Variants in CUX2 observed in about 807,000 individuals in gnomAD.
CUX2 encodes homeobox protein cut-like 2.
CUX2 carries 40 observed loss-of-function variants against 144.8 expected under a neutral mutation model. That is an observed-to-expected ratio of 0.28 (90% confidence interval 0.21 to 0.36). The LOEUF (loss-of-function observed/expected upper bound fraction) is 0.36, where lower values mean the gene tolerates loss of function less well. Ranked by LOEUF, CUX2 falls within the 10% of genes least tolerant of loss-of-function variation. The pLI is 1.00. For synonymous variants in CUX2, 827 were observed against 875.6 expected (o/e 0.94, Z 0.98); for missense variants, 1,615 against 1,994.0 (o/e 0.81, Z 3.62).
At chr12:111,049,031 C>T (rs1870132767) in intron 1 of CUX2, among the ~76,000 whole-genome samples, 1 of 152,122 alleles carries the variant, frequency 6.6e-6, no homozygotes, top group Non-Finnish European at 1.5e-5. Context: ...CCACTGTATC[C>T]ATCCACCTAA....
At chr12:111,249,377 G>GA (rs1170665996) in intron 3 of CUX2, among the ~76,000 whole-genome samples, 1 of 134,276 alleles carries the variant, frequency 7.4e-6, no homozygotes, top group Non-Finnish European at 1.6e-5. Context: ...TAAGCACTGA[G>GA]AAAAAGTCCC....
chr12:111,069,535 T>C (rs1566199155), intron 1 of CUX2, among the ~76,000 whole-genome samples: 1 of 148,562 alleles, frequency 6.7e-6, no homozygotes, highest in African/African-American at 2.6e-5. Flanking sequence ...TGTGTGTGTG[T>C]GTGTGTGTGT....
At chr12:111,220,425 G>A (rs557296227) in intron 3 of CUX2, among the ~76,000 whole-genome samples, 1 of 152,128 alleles carries the variant, frequency 6.6e-6, no homozygotes, top group African/African-American at 2.4e-5. Context: ...CTTTTCAATA[G>A]GAGAAATCCT....
chr12:111,199,038 G>GA (rs558952668), intron 1 of CUX2, among the ~76,000 whole-genome samples: 33 of 152,318 alleles, frequency 2.2e-4, no homozygotes, highest in African/African-American at 7.9e-4. Context: ...CCACCATGTG[G>GA]AAAATGCAGG....
In CUX2 at chr12:111,307,010, C is replaced by T. The variant is rs756898105; in HGVS notation, c.948C>T (p.Asp316=). 19 of 1,613,694 alleles carry T rather than the reference C, an allele frequency of 1.2e-5. No homozygotes were observed. Among genetic ancestry groups the T allele is most frequent in the South Asian group, 4.4e-5 (4 of 91,082 alleles). Residue 316 remains aspartate, a synonymous_variant, in exon 11 of 22, where the codon GAC becomes GAT. Transcript: ENST00000261726. The surrounding 1 kb of genome is among the most constrained non-coding windows in gnomAD (Gnocchi z 4.1). ...GGGAGATCCTGCGGCTGCTGAAGGA[C>T]GTGCAGCACCTCCAGAGCTCACTGC... ...KDREILRLLK[D]VQHLQSSLQE...
At chr12:111,237,903 G>C (rs1364281017) in intron 3 of CUX2, among the ~76,000 whole-genome samples, 1 of 152,216 alleles carries the variant, frequency 6.6e-6, no homozygotes, top group Non-Finnish European at 1.5e-5. Context: ...CTTTGGACTG[G>C]ATGATTCCTT....
chr12:111,324,540 G>A, intron 18 of CUX2, among the ~76,000 whole-genome samples: 2 of 151,584 alleles, frequency 1.3e-5, no homozygotes, highest in East Asian at 3.9e-4. Context: ...TTGCTCTGTT[G>A]CCCAGGCTGG....
intron 1 of CUX2, among the ~76,000 whole-genome samples, chr12:111,078,276 G>A (rs937443264): frequency 6.6e-6 from 1 of 152,160 alleles, no homozygotes; most frequent in Non-Finnish European, 1.5e-5. Context: ...GAGCCAGGCA[G>A]GAAAGAAAGG....
intron 1 of CUX2, among the ~76,000 whole-genome samples, chr12:111,042,542 G>C (rs1233061490): frequency 6.6e-6 from 1 of 152,208 alleles, no homozygotes; most frequent in Non-Finnish European, 1.5e-5. Context: ...GACCTTGGAT[G>C]AGTCAATTAA....
rs780890961 is a variant in CUX2 at position 111,349,311 on chromosome 12, C to T, written c.*986C>T. 12 of 152,206 alleles carry T rather than the reference C, an allele frequency of 7.9e-5. No individual in the cohort carries two copies. Among genetic ancestry groups the T allele is most frequent in the Non-Finnish European group, 1.6e-4 (11 of 68,056 alleles). 9.4% of individuals were successfully genotyped at this position (152,206 alleles called of 1,614,324 possible). Reference sequence around the variant, plus strand: ...AGGCACAACCCAGGAAGTTTCCCCACTTGTAGGAGTGTGGGTATTCCAGAG... The same window carrying T: ...AGGCACAACCCAGGAAGTTTCCCCATTTGTAGGAGTGTGGGTATTCCAGAG... On this transcript the variant is annotated 3_prime_UTR_variant, in exon 22 of 22. Transcript: ENST00000261726.
rs1368741206 is a variant in CUX2 at position 111,350,469 on chromosome 12, A to G, written c.*2144A>G. ...ACACACACATACACAAACCGTTTCT[A>G]TGAGAGATTGATGAACTTTGTTTAA... On this transcript the variant is annotated 3_prime_UTR_variant, in exon 22 of 22. Transcript: ENST00000261726. 1 of 152,362 alleles carries G rather than the reference A, an allele frequency of 6.6e-6. No individual in the cohort carries two copies. The highest frequency in any genetic ancestry group is 1.5e-5 in the Non-Finnish European group (1 of 68,026). The allele number at this position is 152,362 out of a possible 1,614,324, so 9.4% of individuals were successfully genotyped here. A position where few individuals can be genotyped will look rare whatever the true frequency, so the allele number is the denominator to read the frequency against.
rs1011648232 is a variant in CUX2 at position 111,061,464 on chromosome 12, A to G, written c.63+27224A>G. 1.3e-5 allele frequency among the ~76,000 whole-genome samples: 2 copies of G among 152,184 alleles called. No homozygotes were observed. The highest frequency in any genetic ancestry group is 2.1e-4 in the South Asian group (1 of 4,830). ...GGCTTTTTAAAAGTAATTTTGCATTATGGAAGACAAAGTCGCCCCATTATC... is the reference window on the plus strand; with the variant it reads ...GGCTTTTTAAAAGTAATTTTGCATTGTGGAAGACAAAGTCGCCCCATTATC... On this transcript the variant is annotated intron_variant, in intron 1 of 21. Coordinates refer to ENST00000261726, the MANE Select transcript of CUX2 (RefSeq NM_015267.4). This position sits in a 1 kb window ranked among gnomAD's most constrained non-coding sequence, Gnocchi z 4.2.
chr12:111,301,600 C>T (rs1249184315), intron 9 of CUX2, among the ~76,000 whole-genome samples: 1 of 152,050 alleles, frequency 6.6e-6, no homozygotes, highest in African/African-American at 2.4e-5. Context: ...TTACTGCAGC[C>T]TCAAACTCCT....
intron 3 of CUX2, among the ~76,000 whole-genome samples, chr12:111,249,134 T>TG (rs1883426160): frequency 6.6e-6 from 1 of 151,892 alleles, no homozygotes; most frequent in South Asian, 2.1e-4. Context: ...CAGTATCCCA[T>TG]GGGGAGGGGC....
rs1433824127 is a variant in CUX2, at chr12:111,322,780, C to T, written c.2926+200C>T. Among the ~76,000 whole-genome samples, 1 of 152,194 alleles carries T rather than the reference C, an allele frequency of 6.6e-6. No individual in the cohort carries two copies. Among genetic ancestry groups the T allele is most frequent in the Non-Finnish European group, 1.5e-5 (1 of 68,034 alleles). ...CTCTGCTCCCCTTTCTTCCTTCCTC[C>T]AACCAGAGGGAGGCTTCTAGAAGCT... On this transcript the variant is annotated intron_variant, in intron 18 of 21. Coordinates refer to ENST00000261726, the MANE Select transcript of CUX2 (RefSeq NM_015267.4). This position sits in a 1 kb window ranked among gnomAD's most constrained non-coding sequence, Gnocchi z 4.2.
At chr12:111,222,485 G>A (rs1372448926) in intron 3 of CUX2, among the ~76,000 whole-genome samples, 1 of 152,096 alleles carries the variant, frequency 6.6e-6, no homozygotes, top group Admixed American at 6.5e-5. Flanking sequence ...AAAACCTTTT[G>A]GGTTGGATTG....
At chr12:111,173,733 T>C (rs1878680465) in intron 1 of CUX2, among the ~76,000 whole-genome samples, 1 of 152,170 alleles carries the variant, frequency 6.6e-6, no homozygotes, top group East Asian at 1.9e-4. Context: ...ATTTTCAGAC[T>C]TGAGCATGCA....
chr12:111,202,448 C>CACCT (rs1478335982), intron 1 of CUX2, among the ~76,000 whole-genome samples: 4 of 152,230 alleles, frequency 2.6e-5, no homozygotes, highest in South Asian at 4.1e-4. Context: ...CAAGGACAGC[C>CACCT]ACCTCCAGGT....
At chr12:111,046,784 G>A (rs1870014185) in intron 1 of CUX2, among the ~76,000 whole-genome samples, 1 of 152,256 alleles carries the variant, frequency 6.6e-6, no homozygotes. Context: ...AGCCTCCTAA[G>A]TAGCTGGGAT....
Sources: gnomAD v4.1 joint callset for allele counts (sites outside exome capture counted in the v4.1 genomes callset) on GRCh38, gnomAD v4.1.1 for gene constraint, Gnocchi (gnomAD v3.1) non-coding constraint, MANE v1.5 for transcripts, NCBI Gene and HGNC (gene_info 2026-07-23, HGNC 2026-07-21) for gene names.